The following KCND2 variants were observed in gnomAD, a reference collection of about 807,000 sequenced individuals.
The protein encoded by KCND2 is A-type voltage-gated potassium channel KCND2.
A neutral mutation model predicts 54.4 loss-of-function variants in KCND2; 16 were observed. That is an observed-to-expected ratio of 0.29 (90% CI 0.20 to 0.45). The LOEUF (loss-of-function observed/expected upper bound fraction) is 0.45, where lower values mean the gene tolerates loss of function less well. Among genes scored for constraint, KCND2 ranks in the 20% least tolerant of loss-of-function variants. The probability of loss-of-function intolerance (pLI) is 1.00; values close to 1 mark genes in which losing one functional copy is unlikely to be tolerated. For missense variants in KCND2, 486 were observed against 824.2 expected (o/e 0.59, Z 5.02); for synonymous variants, 317 against 310.7 (o/e 1.02, Z -0.21).
chr7:120,608,367 T>C (rs1254275305), intron 1 of KCND2, among the ~76,000 whole-genome samples: 1 of 152,096 alleles, frequency 6.6e-6, no homozygotes, highest in Non-Finnish European at 1.5e-5. Flanking sequence ...GAAATAGGAA[T>C]ATAGACAAAG....
intron 1 of KCND2, among the ~76,000 whole-genome samples, chr7:120,545,984 A>T (rs768042522): frequency 6.6e-6 from 1 of 151,964 alleles, no homozygotes; most frequent in Non-Finnish European, 1.5e-5. Flanking sequence ...GTTTGCTTAA[A>T]CAAGAAATAA....
rs548692619 is a variant in KCND2, at chr7:120,519,067, G to A, written c.1116-213836G>A. On this transcript the variant is annotated intron_variant, in intron 1 of 5. Transcript: ENST00000331113. ...GCCTTGGCAGTACGTGGTGGTTCCCGCCTGTAATTTCAGCACTTTGGGGGC... is the reference window on the plus strand; with the variant it reads ...GCCTTGGCAGTACGTGGTGGTTCCCACCTGTAATTTCAGCACTTTGGGGGC... Among the ~76,000 whole-genome samples, 35 of 152,122 alleles carry A rather than the reference G, an allele frequency of 2.3e-4. No homozygotes were observed. In the South Asian group the frequency reaches 7.1e-3, roughly 31 times the overall value.
At chr7:120,671,633 G>A (rs1446558610) in intron 1 of KCND2, among the ~76,000 whole-genome samples, 1 of 152,042 alleles carries the variant, frequency 6.6e-6, no homozygotes, top group Non-Finnish European at 1.5e-5. Flanking sequence ...ATACATAGGA[G>A]ACTCCTCTCT....
chr7:120,462,731 C>A (rs1802301750), intron 1 of KCND2, among the ~76,000 whole-genome samples: 1 of 151,732 alleles, frequency 6.6e-6, no homozygotes. Flanking sequence ...CCTTACAACT[C>A]CTTTCCATGA....
At chr7:120,347,431 C>T (rs1800336403) in intron 1 of KCND2, among the ~76,000 whole-genome samples, 1 of 152,056 alleles carries the variant, frequency 6.6e-6, no homozygotes, top group Non-Finnish European at 1.5e-5. Flanking sequence ...TAAGTAATCT[C>T]AAGAAGGAAG....
chr7:120,321,636 A>G (rs1799894315), intron 1 of KCND2, among the ~76,000 whole-genome samples: 1 of 152,166 alleles, frequency 6.6e-6, no homozygotes, highest in Non-Finnish European at 1.5e-5. Flanking sequence ...AGGTGAAAGT[A>G]CATTGCATTG....
rs35589294 is a variant in KCND2, at chr7:120,698,022, CTTTTTT to C, written c.1116-34863_1116-34858del. Among the ~76,000 whole-genome samples, 347 of 85,622 alleles carry C rather than the reference CTTTTTT, an allele frequency of 4.1e-3. 3 individuals carry two copies. The highest frequency in any genetic ancestry group is 0.016 in the African/African-American group (324 of 20,598). The allele number at this position is 85,622 out of a possible 152,430, so 56.2% of individuals were successfully genotyped here. ...GCATATTTGGATATATAGATTTGCC[CTTTTTT>C]TTTTTTTTTTTTTTTTTGGCTTGTT... is the stretch of plus-strand genomic sequence containing the variant. On this transcript the variant is annotated intron_variant, in intron 1 of 5. Coordinates refer to ENST00000331113, the MANE Select transcript of KCND2 (RefSeq NM_012281.3).
At chr7:120,387,169 C>T (rs1167979227) in intron 1 of KCND2, among the ~76,000 whole-genome samples, 1 of 152,044 alleles carries the variant, frequency 6.6e-6, no homozygotes. Flanking sequence ...CAGTGTCAGC[C>T]ACATGGTAGA....
rs2116321689 is a variant in KCND2 at position 120,504,557 on chromosome 7, T to C, written c.1116-228346T>C. On this transcript the variant is annotated intron_variant, in intron 1 of 5. Transcript: ENST00000331113. ...TTTAATTATACATCATAGTCTTTGTTCTGGAGACAATCCAAAGAGTAGATC... is the reference window on the plus strand; with the variant it reads ...TTTAATTATACATCATAGTCTTTGTCCTGGAGACAATCCAAAGAGTAGATC... Among the ~76,000 whole-genome samples, 3 of 152,000 alleles carry C rather than the reference T, an allele frequency of 2.0e-5. No individual in the cohort carries two copies. The Middle Eastern group carries it at 0.01, about 517-fold the overall frequency.
At chr7:120,684,226 CA>C (rs1380380848) in intron 1 of KCND2, among the ~76,000 whole-genome samples, 3 of 152,096 alleles carry the variant, frequency 2.0e-5, no homozygotes, top group Non-Finnish European at 4.4e-5. Flanking sequence ...TCAGAAACAG[CA>C]AGTTCACGTT....
intron 1 of KCND2, among the ~76,000 whole-genome samples, chr7:120,703,425 A>C (rs1456256007): frequency 6.6e-6 from 1 of 152,218 alleles, no homozygotes; most frequent in Non-Finnish European, 1.5e-5. Flanking sequence ...TATTGAGAAT[A>C]ATTATCTAGA....
chr7:120,738,688 G>A (rs1008150191), intron 2 of KCND2, among the ~76,000 whole-genome samples: 1 of 152,034 alleles, frequency 6.6e-6, no homozygotes, highest in South Asian at 2.1e-4. Context: ...AGGGTCGGGG[G>A]TAAGAGACTG....
intron 1 of KCND2, among the ~76,000 whole-genome samples, chr7:120,623,068 G>A (rs1188985207): frequency 6.6e-6 from 1 of 152,076 alleles, no homozygotes; most frequent in African/African-American, 2.4e-5. Flanking sequence ...TTAAACAAAG[G>A]TAATAGACAT....
intron 1 of KCND2, among the ~76,000 whole-genome samples, chr7:120,446,253 A>T (rs1485143121): frequency 6.6e-6 from 1 of 152,158 alleles, no homozygotes; most frequent in South Asian, 2.1e-4. Flanking sequence ...AGAGAGATAG[A>T]GTTTAGCACT....
At chr7:120,532,540 G>A (rs1369529724) in intron 1 of KCND2, among the ~76,000 whole-genome samples, 3 of 151,688 alleles carry the variant, frequency 2.0e-5, no homozygotes, top group African/African-American at 7.3e-5. Flanking sequence ...GAGGAAACTA[G>A]GATCAAGTTA....
chr7:120,676,058 G>C (rs1792057299), intron 1 of KCND2, among the ~76,000 whole-genome samples: 1 of 151,868 alleles, frequency 6.6e-6, no homozygotes, highest in African/African-American at 2.4e-5. Context: ...AGCTGGTCTT[G>C]AACTCCTGAC....
intron 1 of KCND2, among the ~76,000 whole-genome samples, chr7:120,373,539 G>C (rs1056989838): frequency 6.6e-6 from 1 of 151,842 alleles, no homozygotes; most frequent in Non-Finnish European, 1.5e-5. Context: ...TGGAATATCT[G>C]TGCTGTTGTA....
chr7:120,692,673 G>T (rs577648606), intron 1 of KCND2, among the ~76,000 whole-genome samples: 61 of 152,304 alleles, frequency 4.0e-4, no homozygotes, highest in African/African-American at 1.4e-3. Context: ...GTGTCCTACT[G>T]TTTGGGACTG....
At chr7:120,411,017 G>A (rs994701486) in intron 1 of KCND2, among the ~76,000 whole-genome samples, 42 of 152,040 alleles carry the variant, frequency 2.8e-4, no homozygotes, top group African/African-American at 9.4e-4. Context: ...CAGAAGACAT[G>A]ATTGTATATT....
Sources: allele counts gnomAD v4.1 joint callset (sites outside exome capture counted in the v4.1 genomes callset), GRCh38; gene constraint gnomAD v4.1.1; transcripts MANE v1.5; gene names NCBI Gene and HGNC (gene_info 2026-07-23, HGNC 2026-07-21).